The following PSEN1 variants were observed in gnomAD, a reference collection of about 807,000 sequenced individuals.
PSEN1 encodes the protein presenilin 1, also known as presenilin-1.
PSEN1 carries 15 observed loss-of-function variants against 53.5 expected under a neutral mutation model. The ratio of observed to expected loss-of-function variants is 0.28; its 90% CI spans 0.19 to 0.43. PSEN1 has a LOEUF of 0.43. PSEN1 is among the 20% of genes least tolerant of loss of function. PSEN1 has a pLI of 1.00. For synonymous variants in PSEN1, 208 were observed against 209.8 expected (o/e 0.99, Z 0.08); for missense variants, 387 against 571.2 (o/e 0.68, Z 3.29).
At chr14:73,178,847 G>A (rs1039270319) in intron 5 of PSEN1, among the ~76,000 whole-genome samples, 12 of 152,104 alleles carry the variant, frequency 7.9e-5, no homozygotes, top group African/African-American at 2.9e-4. Context: ...GCTAGGTCCA[G>A]CCAGCCTTGT....
chr14:73,223,124 C>T lies in PSEN1; in HGVS notation c.*3835C>T, dbSNP rs1882671972. 6.6e-6 allele frequency: 1 copy of T among 152,248 alleles called. No individual in the cohort carries two copies. Among genetic ancestry groups the T allele is most frequent in the South Asian group, 2.1e-4 (1 of 4,836 alleles). 9.4% of individuals were successfully genotyped at this position (152,248 alleles called of 1,614,324 possible). A position where few individuals can be genotyped will look rare whatever the true frequency, so the allele number is the denominator to read the frequency against. ...GTGTACCAACAAAGCTGTCATCGGG[C>T]TCACAGCTCAGAGACATCTGCATGT... On this transcript the variant is annotated 3_prime_UTR_variant, in exon 12 of 12. Coordinates refer to ENST00000324501, the MANE Select transcript of PSEN1 (RefSeq NM_000021.4).
intron 4 of PSEN1, among the ~76,000 whole-genome samples, chr14:73,173,099 A>G (rs547723723): frequency 1.3e-5 from 2 of 152,208 alleles, no homozygotes; most frequent in Non-Finnish European, 2.9e-5. Context: ...AACAAGGGGA[A>G]GATGGATATG....
intron 3 of PSEN1, among the ~76,000 whole-genome samples, chr14:73,153,298 C>A (rs1161699475): frequency 2.0e-5 from 3 of 152,206 alleles, no homozygotes; most frequent in African/African-American, 7.2e-5. Flanking sequence ...TGAGTAAAAT[C>A]TCTTAGGCAC....
At chr14:73,205,634 T>C (rs1317724746) in intron 8 of PSEN1, among the ~76,000 whole-genome samples, 1 of 152,214 alleles carries the variant, frequency 6.6e-6, no homozygotes, top group Non-Finnish European at 1.5e-5. Flanking sequence ...CAAAATGTAA[T>C]ATTGCTGGGT....
intron 1 of PSEN1, among the ~76,000 whole-genome samples, chr14:73,138,732 G>C (rs940235560): frequency 1.1e-4 from 16 of 150,014 alleles, no homozygotes; most frequent in Admixed American, 2.0e-4. Flanking sequence ...AGGCCGTGGC[G>C]GGCGGATCAT....
intron 7 of PSEN1, among the ~76,000 whole-genome samples, chr14:73,194,658 T>C (rs572439776): frequency 6.7e-6 from 1 of 149,862 alleles, no homozygotes; most frequent in Non-Finnish European, 1.5e-5. Context: ...AAGCTTCGCC[T>C]CCCAGGTTCA....
In PSEN1 at chr14:73,170,840, TTGGCCACCCTGAGCCA is replaced by T. The variant is rs1482783471; in HGVS notation, c.133_148del (p.Gly45TyrfsTer24). The T allele has an allele frequency of 6.2e-7, 1 of 1,614,202 alleles. No individual in the cohort carries two copies. On this transcript the variant is annotated frameshift_variant, in exon 4 of 12. Transcript: ENST00000324501. LOFTEE classifies it high-confidence loss of function. Reference sequence around the variant, plus strand: ...CAGGAGCACAACGACAGACGGAGCCTTGGCCACCCTGAGCCATTATCTAATGGACGACCCCAGGGTA... The same window carrying T: ...CAGGAGCACAACGACAGACGGAGCCTTTATCTAATGGACGACCCCAGGGTA...
At chr14:73,150,260 A>G (rs1026850638) in intron 3 of PSEN1, among the ~76,000 whole-genome samples, 5 of 152,274 alleles carry the variant, frequency 3.3e-5, no homozygotes, top group South Asian at 2.1e-4. Context: ...ACAAAACAAG[A>G]TTTTGCATTT....
intron 3 of PSEN1, 83 bp downstream of exon 3, chr14:73,148,189 G>T (rs553773636): frequency 1.9e-6 from 2 of 1,062,544 alleles, no homozygotes; most frequent in African/African-American, 3.1e-5. Flanking sequence ...TGCTGAGGGG[G>T]CTAGGCAGGC....
rs1228890486 is a variant in PSEN1 at position 73,223,216 on chromosome 14, G to T, written c.*3927G>T. ...GATTTGCATATAAAAAAGCACCCTGGTGCTGAAATGAACCCCTTTCTTGAA... is the reference window on the plus strand; with the variant it reads ...GATTTGCATATAAAAAAGCACCCTGTTGCTGAAATGAACCCCTTTCTTGAA... On this transcript the variant is annotated 3_prime_UTR_variant, in exon 12 of 12. Coordinates refer to ENST00000324501, the MANE Select transcript of PSEN1 (RefSeq NM_000021.4). The T allele has an allele frequency of 6.6e-6, 1 of 152,196 alleles. No homozygotes were observed. The highest frequency in any genetic ancestry group is 1.9e-4 in the East Asian group (1 of 5,196). The allele number at this position is 152,196 out of a possible 1,614,324, so 9.4% of individuals were successfully genotyped here.
chr14:73,164,863 C>CATAT (rs149166990), intron 3 of PSEN1, among the ~76,000 whole-genome samples: 2 of 151,950 alleles, frequency 1.3e-5, no homozygotes, highest in Non-Finnish European at 2.9e-5. Flanking sequence ...CTTTTATTTT[C>CATAT]ATATATATAT....
intron 5 of PSEN1, among the ~76,000 whole-genome samples, chr14:73,183,228 C>G (rs1898279753): frequency 6.6e-6 from 1 of 152,178 alleles, no homozygotes; most frequent in African/African-American, 2.4e-5. Context: ...AGTGATTCTC[C>G]TGCCTCAGCC....
chr14:73,148,982 A>AAG (rs1464313002), intron 3 of PSEN1, among the ~76,000 whole-genome samples: 3 of 152,086 alleles, frequency 2.0e-5, no homozygotes, highest in South Asian at 2.1e-4. Context: ...AAGAAAAGAA[A>AAG]AGAGAGAGAG....
At chr14:73,205,220 T>C (rs1342887954) in intron 8 of PSEN1, among the ~76,000 whole-genome samples, 1 of 152,154 alleles carries the variant, frequency 6.6e-6, no homozygotes, top group Non-Finnish European at 1.5e-5. Flanking sequence ...CTCACGCCTG[T>C]AATCCCAGCA....
At chr14:73,145,503 T>A (rs575930008) in intron 1 of PSEN1, among the ~76,000 whole-genome samples, 1 of 151,192 alleles carries the variant, frequency 6.6e-6, no homozygotes, top group Admixed American at 6.6e-5. Flanking sequence ...ACCCAGCCAA[T>A]TTTTTTTGTA....
intron 5 of PSEN1, among the ~76,000 whole-genome samples, chr14:73,183,418 G>T (rs1159274044): frequency 6.6e-6 from 1 of 151,922 alleles, no homozygotes; most frequent in African/African-American, 2.4e-5. Context: ...AAAGGTCTCT[G>T]GTTTTCCTAG....
At chr14:73,184,143 C>G (rs1305714560) in intron 5 of PSEN1, among the ~76,000 whole-genome samples, 2 of 103,432 alleles carry the variant, frequency 1.9e-5, no homozygotes, top group East Asian at 2.9e-4. Context: ...GGCGGCTGGC[C>G]GGCCGGGGGG....
intron 9 of PSEN1, among the ~76,000 whole-genome samples, chr14:73,210,609 A>T (rs1295443295): frequency 1.3e-5 from 2 of 152,194 alleles, no homozygotes; most frequent in African/African-American, 4.8e-5. Flanking sequence ...TAGAAAAGGG[A>T]CTGCTGTTTT....
rs1900090471 is a variant in PSEN1, at chr14:73,220,292, T to C, written c.*1003T>C. The C allele has an allele frequency of 6.6e-6, 1 of 152,664 alleles. No individual in the cohort carries two copies. The highest frequency in any genetic ancestry group is 1.5e-5 in the Non-Finnish European group (1 of 68,048). 9.5% of individuals were successfully genotyped at this position (152,664 alleles called of 1,614,324 possible). On this transcript the variant is annotated 3_prime_UTR_variant, in exon 12 of 12. Coordinates refer to ENST00000324501, the MANE Select transcript of PSEN1 (RefSeq NM_000021.4). ...CTTACTCTTTGTATGATGAAAAGAA[T>C]GTGTTATGAATCGGTGCTGTCAGCC...
Sources: gnomAD v4.1 joint callset for allele counts (sites outside exome capture counted in the v4.1 genomes callset) on GRCh38, gnomAD v4.1.1 for gene constraint, MANE v1.5 for transcripts, NCBI Gene and HGNC (gene_info 2026-07-23, HGNC 2026-07-21) for gene names.